Variants in MTUS2 observed in about 807,000 individuals in gnomAD.
MTUS2 encodes microtubule-associated tumor suppressor candidate 2.
In MTUS2, 40 loss-of-function variants were observed where a neutral mutation model predicts 114.1. That is an observed-to-expected ratio of 0.35 (90% confidence interval 0.27 to 0.46). The LOEUF (loss-of-function observed/expected upper bound fraction) is 0.46, where lower values mean the gene tolerates loss of function less well. MTUS2 is among the 20% of genes least tolerant of loss of function. The pLI is 1.00. For missense variants in MTUS2, 1,679 were observed against 1,705.4 expected (o/e 0.98, Z 0.27); for synonymous variants, 688 against 672.0 (o/e 1.02, Z -0.37).
intron 8 of MTUS2, among the ~76,000 whole-genome samples, chr13:29,375,846 A>G (rs1871680134): frequency 1.3e-5 from 2 of 150,868 alleles, no homozygotes; most frequent in Admixed American, 1.3e-4. Context: ...AGAAGTGGAG[A>G]GCGCGGGAAA....
In MTUS2 at chr13:29,291,277, G is replaced by A. The variant is rs1471228225; in HGVS notation, c.2806+9412G>A. Among the ~76,000 whole-genome samples the A allele has an allele frequency of 3.3e-5, 5 of 152,224 alleles. No individual in the cohort carries two copies. In the South Asian group the frequency reaches 1.0e-3, roughly 32 times the overall value. On this transcript the variant is annotated intron_variant, in intron 6 of 15. Coordinates refer to ENST00000612955, the MANE Select transcript of MTUS2 (RefSeq NM_001033602.4). ...GTGGTCTCCTCCTCCAGGGCCCACA[G>A]TGAGGGGCAGCCCCAGCCACTGGAG...
chr13:28,860,651 G>T (rs775719780), intron 2 of MTUS2, among the ~76,000 whole-genome samples: 1 of 152,290 alleles, frequency 6.6e-6, no homozygotes, highest in Middle Eastern at 3.4e-3. Flanking sequence ...CTGACTGACC[G>T]CACCCTCCTT....
At chr13:29,492,252 T>A in intron 11 of MTUS2, among the ~76,000 whole-genome samples, 1 of 150,336 alleles carries the variant, frequency 6.7e-6, no homozygotes, top group Admixed American at 6.6e-5. Flanking sequence ...TGTGTGTATG[T>A]GATTGTGTGT....
At chr13:29,082,026 G>T (rs1269062876) in intron 4 of MTUS2, among the ~76,000 whole-genome samples, 1 of 152,160 alleles carries the variant, frequency 6.6e-6, no homozygotes, top group African/African-American at 2.4e-5. Context: ...AAATTCATAT[G>T]TTGAAGTTCT....
At chr13:28,820,296 G>C (rs1873794865), upstream of MTUS2, 1 of 148,716 alleles carries the variant, frequency 6.7e-6, no homozygotes, top group African/African-American at 2.4e-5. Context: ...GTGAGTGCGG[G>C]GGCGCGGAGC....
At chr13:28,987,945 A>C (rs978942956) in intron 2 of MTUS2, among the ~76,000 whole-genome samples, 6 of 152,210 alleles carry the variant, frequency 3.9e-5, no homozygotes, top group Admixed American at 6.5e-5. Context: ...GGCTAGGGGA[A>C]TAGATCCTGC....
chr13:28,841,678 T>G (rs112180038), intron 2 of MTUS2, among the ~76,000 whole-genome samples: 25 of 101,854 alleles, frequency 2.5e-4, no homozygotes, highest in South Asian at 5.8e-4. Context: ...GTGTGTGTGT[T>G]TTTTTTTGTT....
intron 2 of MTUS2, among the ~76,000 whole-genome samples, chr13:29,024,192 C>A (rs1330914334): frequency 1.3e-5 from 2 of 152,152 alleles, no homozygotes; most frequent in Non-Finnish European, 2.9e-5. Flanking sequence ...CCTTTTAAAT[C>A]AGTATCAGTA....
intron 2 of MTUS2, among the ~76,000 whole-genome samples, chr13:28,948,482 T>C (rs542066090): frequency 2.0e-5 from 3 of 152,282 alleles, no homozygotes; most frequent in East Asian, 3.9e-4. Flanking sequence ...TTTAGAAATA[T>C]GCAAGCAGAT....
chr13:28,928,911 ATGTG>A (rs892289959), intron 2 of MTUS2, among the ~76,000 whole-genome samples: 2 of 152,054 alleles, frequency 1.3e-5, no homozygotes, highest in Non-Finnish European at 2.9e-5. Flanking sequence ...ATGTGTGCGT[ATGTG>A]TGTGTGTGTC....
Position 29,146,769 on chromosome 13 carries a change from A to G in MTUS2, c.2644+45799A>G, listed in dbSNP as rs1026562962. Among the ~76,000 whole-genome samples the G allele has an allele frequency of 2.6e-5, 4 of 152,206 alleles. No homozygotes were observed. In the South Asian group the frequency reaches 8.3e-4, roughly 32 times the overall value. The stretch of plus-strand genomic sequence containing the variant: ...TGGTGAAGTTGAGTATATTAATCCT[A>G]CATAGACCTGAGTTAACTGGTCTTC... On this transcript the variant is annotated intron_variant, in intron 5 of 15. Transcript: ENST00000612955.
chr13:29,175,665 C>T (rs1378535408), intron 5 of MTUS2, among the ~76,000 whole-genome samples: 1 of 152,088 alleles, frequency 6.6e-6, no homozygotes, highest in Non-Finnish European at 1.5e-5. Context: ...TTGGGCAAGA[C>T]AATAGGGTGT....
intron 7 of MTUS2, among the ~76,000 whole-genome samples, chr13:29,334,133 A>G (rs1900935577): frequency 6.6e-6 from 1 of 152,128 alleles, no homozygotes; most frequent in Non-Finnish European, 1.5e-5. Context: ...TGAATACAGG[A>G]CACCAAGAGT....
intron 8 of MTUS2, among the ~76,000 whole-genome samples, chr13:29,420,074 A>C (rs1407736771): frequency 4.6e-5 from 7 of 152,038 alleles, no homozygotes; most frequent in Admixed American, 4.6e-4. Flanking sequence ...CATTCCAGAA[A>C]CCTTATATAG....
chr13:29,434,415 C>G (rs17073374), intron 8 of MTUS2, among the ~76,000 whole-genome samples: 2,776 of 152,262 alleles, frequency 0.018, 85 homozygotes, highest in African/African-American at 0.063. Flanking sequence ...TCACAGTGTT[C>G]TGTAATTGTT....
At chr13:29,313,092 G>A (rs943814568) in intron 6 of MTUS2, among the ~76,000 whole-genome samples, 3 of 152,142 alleles carry the variant, frequency 2.0e-5, no homozygotes, top group Non-Finnish European at 4.4e-5. Flanking sequence ...CAGGTGAGAA[G>A]GCATTCAACC....
intron 2 of MTUS2, among the ~76,000 whole-genome samples, chr13:28,950,441 CTT>C (rs1308235831): frequency 2.6e-5 from 4 of 152,168 alleles, no homozygotes. Context: ...ACATAGAAGT[CTT>C]TTAGTGTAGT....
intron 2 of MTUS2, among the ~76,000 whole-genome samples, chr13:28,890,093 A>G (rs1404324993): frequency 6.6e-6 from 1 of 152,140 alleles, no homozygotes. Flanking sequence ...TTATTTTGGC[A>G]GTGTAGCTTC....
chr13:28,930,566 G>A (rs1273096131), intron 2 of MTUS2, among the ~76,000 whole-genome samples: 2 of 151,986 alleles, frequency 1.3e-5, no homozygotes, highest in Non-Finnish European at 2.9e-5. Flanking sequence ...AGAACTCAGT[G>A]CATAGGGCAG....
Sources: allele counts gnomAD v4.1 joint callset (sites outside exome capture counted in the v4.1 genomes callset), GRCh38; gene constraint gnomAD v4.1.1; transcripts MANE v1.5; gene names NCBI Gene and HGNC (gene_info 2026-07-23, HGNC 2026-07-21).